The following TSC1 variants were observed in gnomAD, a reference collection of about 807,000 sequenced individuals.
TSC1 encodes the protein TSC complex subunit 1.
TSC1 carries 20 observed loss-of-function variants against 124.3 expected under a neutral mutation model. The observed-to-expected ratio is 0.16, with a 90% CI of 0.11 to 0.23. The LOEUF (loss-of-function observed/expected upper bound fraction) is 0.23. TSC1 is among the 10% of genes least tolerant of loss of function. The probability of loss-of-function intolerance (pLI) is 1.00; values close to 1 mark genes in which losing one functional copy is unlikely to be tolerated. For missense variants in TSC1, 1,124 were observed against 1,448.5 expected, an observed-to-expected ratio of 0.78 and a Z score of 3.64; for synonymous variants, 493 against 539.1, an observed-to-expected ratio of 0.91 and a Z score of 1.19.
intron 2 of TSC1, among the ~76,000 whole-genome samples, chr9:132,933,082 T>C (rs916122147): frequency 6.6e-6 from 1 of 152,246 alleles, no homozygotes; most frequent in Non-Finnish European, 1.5e-5. Context: ...TTGTTTTTAA[T>C]TGAGACAGAG....
At chr9:132,899,645 G>A (rs946999834) in intron 20 of TSC1, 1 of 152,204 alleles carries the variant, frequency 6.6e-6, no homozygotes, top group Non-Finnish European at 1.5e-5. Context: ...CCCAGCCCTA[G>A]TTTGGTTTTT....
chr9:132,925,463 G>A, intron 5 of TSC1, 124 bp downstream of exon 5: 2 of 1,208,842 alleles, frequency 1.7e-6, no homozygotes, highest in South Asian at 1.3e-5. Context: ...TTTGAGAAAA[G>A]CCAAATGCCT....
At chr9:132,918,127 C>T (rs1846359973) in intron 8 of TSC1, among the ~76,000 whole-genome samples, 1 of 152,140 alleles carries the variant, frequency 6.6e-6, no homozygotes, top group South Asian at 2.1e-4. Context: ...ATCCCACTGT[C>T]TACAGTAAAG....
Position 132,896,743 on chromosome 9 carries a change from C to T in TSC1, c.2987G>A (p.Cys996Tyr), listed in dbSNP as rs771810884. The change falls in exon 23 of 23, where the codon TGT (cysteine) becomes TAT (tyrosine). Residue 996 changes from cysteine (C) to tyrosine (Y), a missense_variant. By Grantham distance (194) the Cys-to-Tyr change is radical. Around this residue, in one of 5 missense-constraint regions of TSC1, gnomAD observed 325 missense variants for 383.4 expected, o/e 0.85. Coordinates refer to ENST00000298552, the MANE Select transcript of TSC1 (RefSeq NM_000368.5). This position sits in a 1 kb window ranked among gnomAD's most constrained non-coding sequence, Gnocchi z 4.5. ...CATGGAATCTGAGCACCCGTCATTACAACAGTCAAGCCTGTAAGAAAGCCG... is the reference window on the plus strand; with the variant it reads ...CATGGAATCTGAGCACCCGTCATTATAACAGTCAAGCCTGTAAGAAAGCCG... ...AEAAEERLDC[C>Y]NDGCSDSMVG... The T allele has an allele frequency of 3.1e-6, 5 of 1,613,668 alleles. No individual in the cohort carries two copies. Among genetic ancestry groups the T allele is most frequent in the East Asian group, 2.2e-5 (1 of 44,878 alleles).
upstream of TSC1, chr9:132,944,789 G>A: frequency 2.5e-6 from 1 of 394,540 alleles, no homozygotes; most frequent in Non-Finnish European, 4.5e-6. Context: ...GGTTGGACGA[G>A]AAAAAAAGTA....
intron 8 of TSC1, among the ~76,000 whole-genome samples, chr9:132,918,879 A>G (rs1202268606): frequency 3.9e-5 from 6 of 152,278 alleles, no homozygotes; most frequent in Admixed American, 3.9e-4. Flanking sequence ...AGAAGGCCTC[A>G]AAGATTTAAA....
intron 3 of TSC1, 122 bp from the exon 4 acceptor site, chr9:132,927,426 C>T (rs1040336072): frequency 9.2e-6 from 8 of 868,362 alleles, no homozygotes; most frequent in East Asian, 2.7e-5. Flanking sequence ...AAGTTTTGTG[C>T]AGCATTACAG....
At chr9:132,944,961 C>G, upstream of TSC1, 2 of 168,546 alleles carry the variant, frequency 1.2e-5, no homozygotes, top group East Asian at 2.8e-4. Context: ...ACGTGACTGG[C>G]GGGCGGGGGG....
intron 16 of TSC1, among the ~76,000 whole-genome samples, chr9:132,904,171 C>G (rs997806654): frequency 1.3e-5 from 2 of 152,158 alleles, no homozygotes; most frequent in Non-Finnish European, 2.9e-5. Flanking sequence ...TCCAGGGAAG[C>G]CTGGCAGGAA....
At chr9:132,933,081 A>AT (rs1353797224) in intron 2 of TSC1, among the ~76,000 whole-genome samples, 1 of 152,202 alleles carries the variant, frequency 6.6e-6, no homozygotes, top group African/African-American at 2.4e-5. Flanking sequence ...TTTGTTTTTA[A>AT]TTGAGACAGA....
rs1844958552 is a variant in TSC1, at chr9:132,894,990, A to C, written c.*1245T>G. Reference sequence around the variant, plus strand: ...CTGACTAGTGTCATCTCTCGGGAGCACGTGGGGCAGCCTAGTGGGTATACA... The same window carrying C: ...CTGACTAGTGTCATCTCTCGGGAGCCCGTGGGGCAGCCTAGTGGGTATACA... On this transcript the variant is annotated 3_prime_UTR_variant, in exon 23 of 23. Transcript: ENST00000298552. 1 of 232,164 alleles carries C rather than the reference A, an allele frequency of 4.3e-6. No homozygotes were observed. The highest frequency in any genetic ancestry group is 8.5e-6 in the Non-Finnish European group (1 of 117,330). The allele number at this position is 232,164 out of a possible 1,614,324, so 14.4% of individuals were successfully genotyped here. A position where few individuals can be genotyped will look rare whatever the true frequency, so the allele number is the denominator to read the frequency against.
chr9:132,917,301 C>A (rs1041547221), intron 8 of TSC1, among the ~76,000 whole-genome samples: 10 of 151,736 alleles, frequency 6.6e-5, no homozygotes, highest in African/African-American at 2.4e-4. Flanking sequence ...TGTATTATTT[C>A]TTTCACAATT....
rs564802340 is a variant in TSC1, at chr9:132,927,371, C to G, written c.107-67G>C. The G allele has an allele frequency of 2.8e-5, 41 of 1,443,020 alleles. No homozygotes were observed. In the African/African-American group the frequency reaches 5.7e-4, roughly 20 times the overall value. 89.4% of individuals were successfully genotyped at this position (1,443,020 alleles called of 1,614,324 possible). On this transcript the variant is annotated intron_variant, in intron 3 of 22. Coordinates refer to ENST00000298552, the MANE Select transcript of TSC1 (RefSeq NM_000368.5). The stretch of plus-strand genomic sequence containing the variant: ...AACATCCTAAATTTACCTTACACAG[C>G]TTCCTGTCACAAAATCCAGAAAATG...
At chr9:132,908,575 G>T (rs954307507) in intron 12 of TSC1, among the ~76,000 whole-genome samples, 5 of 151,210 alleles carry the variant, frequency 3.3e-5, no homozygotes, top group African/African-American at 1.2e-4. Flanking sequence ...TCAGCTCCCC[G>T]ATTAGCTGGG....
At chr9:132,939,765 T>C (rs550854353) in intron 1 of TSC1, among the ~76,000 whole-genome samples, 2 of 152,306 alleles carry the variant, frequency 1.3e-5, no homozygotes, top group South Asian at 4.1e-4. Context: ...ATAGAAGTAT[T>C]CTAGGGAAGA....
chr9:132,895,804 G>T lies in TSC1; in HGVS notation c.*431C>A, dbSNP rs1740610907. 1 of 290,124 alleles carries T rather than the reference G, an allele frequency of 3.4e-6. No homozygotes were observed. The highest frequency in any genetic ancestry group is 6.6e-6 in the Non-Finnish European group (1 of 152,302). The allele number at this position is 290,124 out of a possible 1,614,324, so 18.0% of individuals were successfully genotyped here. On this transcript the variant is annotated 3_prime_UTR_variant, in exon 23 of 23. Transcript: ENST00000298552. ...GGAAGGGACAAAACCAGACTTACCT[G>T]CAATGCAACAAACTACCTGGTCTAA... is the stretch of plus-strand genomic sequence containing the variant.
intron 1 of TSC1, among the ~76,000 whole-genome samples, chr9:132,938,386 T>C (rs116914280): frequency 0.022 from 3,283 of 152,354 alleles, 56 homozygotes; most frequent in Non-Finnish European, 0.033. Flanking sequence ...TCTAGACTTT[T>C]TTCCCTTTCA....
At position 132,892,869 on chromosome 9, in the gene TSC1, C is replaced by CAT. The variant is rs1588278644; in HGVS notation, c.*3364_*3365dup. 40 of 233,172 alleles carry CAT rather than the reference C, an allele frequency of 1.7e-4. No individual in the cohort carries two copies. The East Asian group carries it at 2.3e-3, about 14-fold the overall frequency. The allele number at this position is 233,172 out of a possible 1,614,324, so 14.4% of individuals were successfully genotyped here. A position where few individuals can be genotyped will look rare whatever the true frequency, so the allele number is the denominator to read the frequency against. On this transcript the variant is annotated 3_prime_UTR_variant, in exon 23 of 23. Coordinates refer to ENST00000298552, the MANE Select transcript of TSC1 (RefSeq NM_000368.5). The stretch of plus-strand genomic sequence containing the variant: ...CTTTCATCCCCATGACCATTTTATA[C>CAT]ATCCTCCCCTCAACAACTGCTAGAG...
At chr9:132,908,732 C>T (rs1422359061) in intron 12 of TSC1, among the ~76,000 whole-genome samples, 1 of 151,896 alleles carries the variant, frequency 6.6e-6, no homozygotes, top group Non-Finnish European at 1.5e-5. Context: ...AGAAGCAAGC[C>T]ACCACGCCCA....
Sources: gnomAD v4.1 joint callset for allele counts (sites outside exome capture counted in the v4.1 genomes callset) on GRCh38, gnomAD v4.1.1 for gene constraint, gnomAD v4.1.1 regional missense constraint, Gnocchi (gnomAD v3.1) non-coding constraint, MANE v1.5 for transcripts, NCBI Gene and HGNC (gene_info 2026-07-23, HGNC 2026-07-21) for gene names.